GLIS3: variants seen among roughly 807,000 people sequenced by gnomAD.
GLIS3 encodes GLIS family zinc finger 3.
GLIS3 carries 53 observed loss-of-function variants against 78.6 expected under a neutral mutation model. That is an observed-to-expected ratio of 0.67 (90% CI 0.54 to 0.85). The LOEUF is 0.85. Among genes scored for constraint, GLIS3 ranks in the 40% least tolerant of loss-of-function variants. GLIS3 has a pLI of 0.00. For missense variants in GLIS3, 1,703 were observed against 1,231.1 expected, an observed-to-expected ratio of 1.38 and a Z score of -5.74; for synonymous variants, 684 against 509.9, an observed-to-expected ratio of 1.34 and a Z score of -4.60.
intron 2 of GLIS3, among the ~76,000 whole-genome samples, chr9:4,337,957 G>A (rs1817776667): frequency 6.6e-6 from 1 of 151,758 alleles, no homozygotes; most frequent in African/African-American, 2.4e-5. Context: ...CAGGAGCTAG[G>A]ACCCAGATCT....
the GLIS3 span, among the ~76,000 whole-genome samples, chr9:4,445,839 G>C: frequency 6.6e-6 from 1 of 152,204 alleles, no homozygotes; most frequent in East Asian, 1.9e-4. Flanking sequence ...TGCCAGTTGA[G>C]GAATCAACAG....
At chr9:3,925,715 G>A (rs1054398557) in intron 6 of GLIS3, among the ~76,000 whole-genome samples, 1 of 152,116 alleles carries the variant, frequency 6.6e-6, no homozygotes, top group African/African-American at 2.4e-5. Context: ...AAACAATTGG[G>A]AAAATAATTT....
At chr9:4,471,404 A>G in the GLIS3 span, among the ~76,000 whole-genome samples, 2 of 152,186 alleles carry the variant, frequency 1.3e-5, no homozygotes, top group African/African-American at 4.8e-5. Flanking sequence ...GTACCAAAAG[A>G]GAGATATAGA....
At chr9:3,958,026 C>G (rs1817265406) in intron 4 of GLIS3, among the ~76,000 whole-genome samples, 1 of 152,196 alleles carries the variant, frequency 6.6e-6, no homozygotes, top group African/African-American at 2.4e-5. Flanking sequence ...GAAAAGCTAA[C>G]TGGTAATGGA....
intron 2 of GLIS3, among the ~76,000 whole-genome samples, chr9:4,239,819 T>C (rs746155132): frequency 7.2e-5 from 11 of 152,238 alleles, no homozygotes; most frequent in Non-Finnish European, 1.5e-5. Flanking sequence ...TGTGGTTGAT[T>C]TGTATCATCT....
chr9:4,445,124 G>A, the GLIS3 span, among the ~76,000 whole-genome samples: 4 of 152,216 alleles, frequency 2.6e-5, no homozygotes, highest in African/African-American at 9.7e-5. Flanking sequence ...GTGCAATGAG[G>A]TGTGGGAGAG....
chr9:4,458,082 GA>G, the GLIS3 span, among the ~76,000 whole-genome samples: 1 of 151,986 alleles, frequency 6.6e-6, no homozygotes, highest in Non-Finnish European at 1.5e-5. Context: ...TGAGCACCAG[GA>G]AAAACTGGAG....
chr9:4,180,526 C>A (rs1375266845), intron 2 of GLIS3, among the ~76,000 whole-genome samples: 1 of 152,168 alleles, frequency 6.6e-6, no homozygotes, highest in Non-Finnish European at 1.5e-5. Flanking sequence ...CAGTATCACA[C>A]ATAGTTGGCA....
At chr9:4,185,106 C>G (rs938698291) in intron 2 of GLIS3, among the ~76,000 whole-genome samples, 2 of 152,180 alleles carry the variant, frequency 1.3e-5, no homozygotes, top group African/African-American at 4.8e-5. Context: ...TAGTTAATCC[C>G]TGTTCCCATC....
intron 6 of GLIS3, among the ~76,000 whole-genome samples, chr9:3,923,448 C>A (rs143100403): frequency 6.6e-6 from 1 of 152,008 alleles, no homozygotes; most frequent in Admixed American, 6.6e-5. Context: ...AATCTGGAAT[C>A]CGGGTAATAA....
chr9:4,136,188 C>G (rs1196171069), intron 2 of GLIS3, among the ~76,000 whole-genome samples: 1 of 152,190 alleles, frequency 6.6e-6, no homozygotes, highest in African/African-American at 2.4e-5. Flanking sequence ...CTCACAACCT[C>G]TGAAGAGATA....
At chr9:4,148,455 T>A (rs962537317) in intron 2 of GLIS3, among the ~76,000 whole-genome samples, 8 of 152,158 alleles carry the variant, frequency 5.3e-5, no homozygotes, top group Admixed American at 3.9e-4. Flanking sequence ...CTTCCTCCAA[T>A]GCCAGGTTTA....
intron 2 of GLIS3, among the ~76,000 whole-genome samples, chr9:4,172,492 T>C (rs1816455304): frequency 6.6e-6 from 1 of 152,232 alleles, no homozygotes; most frequent in Admixed American, 6.5e-5. Context: ...TACAGTATTT[T>C]TAAAGTCCAC....
Position 4,050,939 on chromosome 9 carries a change from G to A in GLIS3, c.1710+66829C>T, listed in dbSNP as rs74671938. Among the ~76,000 whole-genome samples, 66 of 152,188 alleles carry A rather than the reference G, an allele frequency of 4.3e-4. 1 individual carries two copies. In the East Asian group the frequency reaches 0.013, roughly 29 times the overall value. On this transcript the variant is annotated intron_variant, in intron 4 of 10. Coordinates refer to ENST00000381971, the MANE Select transcript of GLIS3 (RefSeq NM_001042413.2). ...GTCCTCACAGTTGGGGGAAGCTGAA[G>A]GTTTCACAATAAACTACAAAGATTT...
intron 2 of GLIS3, among the ~76,000 whole-genome samples, chr9:4,128,644 C>T (rs971842091): frequency 1.3e-5 from 2 of 152,166 alleles, no homozygotes; most frequent in Non-Finnish European, 2.9e-5. Context: ...TTTGATGTCT[C>T]TCCACATAAT....
chr9:3,908,706 G>GTTTTTTATTTTTT (rs1823893662), intron 6 of GLIS3, among the ~76,000 whole-genome samples: 1 of 85,550 alleles, frequency 1.2e-5, no homozygotes, highest in Non-Finnish European at 2.0e-5. Flanking sequence ...ATTTGTATTT[G>GTTTTTTATTTTTT]TTTTTTTTTT....
the GLIS3 span, among the ~76,000 whole-genome samples, chr9:4,393,651 T>G: frequency 6.6e-6 from 1 of 152,188 alleles, no homozygotes; most frequent in African/African-American, 2.4e-5. Flanking sequence ...TTTTGTAAAA[T>G]GTCCCCCACA....
intron 4 of GLIS3, among the ~76,000 whole-genome samples, chr9:4,085,959 T>G (rs1263717849): frequency 6.6e-6 from 1 of 152,182 alleles, no homozygotes; most frequent in East Asian, 1.9e-4. Flanking sequence ...GGGTATTTCT[T>G]TATAGCAACG....
At chr9:4,233,183 G>A (rs1413284853) in intron 2 of GLIS3, among the ~76,000 whole-genome samples, 1 of 152,188 alleles carries the variant, frequency 6.6e-6, no homozygotes. Flanking sequence ...TGACAGATGA[G>A]GTGAACCCTG....
Sources: gnomAD v4.1 joint callset for allele counts (sites outside exome capture counted in the v4.1 genomes callset) on GRCh38, gnomAD v4.1.1 for gene constraint, MANE v1.5 for transcripts, NCBI Gene and HGNC (gene_info 2026-07-23, HGNC 2026-07-21) for gene names.